The following PPFIBP2 variants were observed in gnomAD, a reference collection of about 807,000 sequenced individuals.
The protein encoded by PPFIBP2 is liprin-beta-2.
A neutral mutation model predicts 118.3 loss-of-function variants in PPFIBP2; 118 were observed. The observed-to-expected ratio is 1.00, with a 90% CI of 0.86 to 1.16. The LOEUF is 1.16. PPFIBP2 is among the 50% of genes most tolerant of loss of function. The pLI, the probability that PPFIBP2 is intolerant of heterozygous loss-of-function variation, is 0.00. For missense variants in PPFIBP2, 1,195 were observed against 1,073.1 expected, an observed-to-expected ratio of 1.11 and a Z score of -1.59; for synonymous variants, 414 against 397.4, an observed-to-expected ratio of 1.04 and a Z score of -0.50.
At chr11:7,605,626 A>G in intron 5 of PPFIBP2, 2 of 964,756 alleles carry the variant, frequency 2.1e-6, no homozygotes, top group South Asian at 4.4e-5. Flanking sequence ...TGTGGTATGA[A>G]TACAATTGGA....
intron 5 of PPFIBP2, among the ~76,000 whole-genome samples, chr11:7,600,199 A>G (rs1386078559): frequency 6.6e-6 from 1 of 152,122 alleles, no homozygotes; most frequent in Non-Finnish European, 1.5e-5. Context: ...TTTCTTAACA[A>G]ATTGAGTTCA....
the PPFIBP2 span, chr11:7,665,949 A>G: frequency 6.5e-7 from 1 of 1,532,378 alleles, no homozygotes; most frequent in African/African-American, 1.4e-5. Flanking sequence ...CCTGTATGAC[A>G]AGCAGGTACA....
At chr11:7,625,162 C>T (rs1013874569) in intron 7 of PPFIBP2, among the ~76,000 whole-genome samples, 1 of 152,112 alleles carries the variant, frequency 6.6e-6, no homozygotes, top group African/African-American at 2.4e-5. Context: ...AAATGAAGCA[C>T]TCCTGAATGC....
chr11:7,618,801 C>T (rs1037198623), intron 6 of PPFIBP2, among the ~76,000 whole-genome samples: 2 of 151,390 alleles, frequency 1.3e-5, no homozygotes, highest in African/African-American at 4.9e-5. Flanking sequence ...AGGCTGGTTT[C>T]GAACTCCTCA....
At chr11:7,656,762 T>C, downstream of PPFIBP2, 1 of 1,289,852 alleles carries the variant, frequency 7.8e-7, no homozygotes, top group South Asian at 1.2e-5. Context: ...TGAATGACTC[T>C]CGCCTGCCTG....
At chr11:7,606,147 C>G in intron 5 of PPFIBP2, 1 of 1,084,302 alleles carries the variant, frequency 9.2e-7, no homozygotes, top group Non-Finnish European at 1.2e-6. Context: ...GGTCGGGGGG[C>G]AAAATACTGG....
At chr11:7,645,531 G>A (rs1852929118) in intron 17 of PPFIBP2, among the ~76,000 whole-genome samples, 1 of 152,212 alleles carries the variant, frequency 6.6e-6, no homozygotes, top group African/African-American at 2.4e-5. Context: ...TATCTTCTCT[G>A]TCATCTCCAA....
intron 1 of PPFIBP2, among the ~76,000 whole-genome samples, chr11:7,528,117 A>T (rs985118206): frequency 7.2e-5 from 11 of 152,172 alleles, no homozygotes; most frequent in Admixed American, 6.5e-4. Flanking sequence ...CACTATGTTT[A>T]GAGTCCAGAT....
intron 1 of PPFIBP2, 41 bp from the exon 2 acceptor site, chr11:7,549,399 C>A: frequency 1.3e-6 from 2 of 1,519,602 alleles, no homozygotes; most frequent in Admixed American, 2.0e-5. Context: ...TAACATGGAA[C>A]TCTCTGTAAT....
At chr11:7,548,682 G>A (rs1275193331) in intron 1 of PPFIBP2, among the ~76,000 whole-genome samples, 7 of 152,172 alleles carry the variant, frequency 4.6e-5, no homozygotes, top group Non-Finnish European at 7.3e-5. Context: ...GAGGGGCATT[G>A]GGCAGTTCCC....
intron 3 of PPFIBP2, among the ~76,000 whole-genome samples, chr11:7,592,065 C>T (rs1002008705): frequency 6.6e-6 from 1 of 152,216 alleles, no homozygotes; most frequent in African/African-American, 2.4e-5. Context: ...GTGGTAGACA[C>T]CTCCCTCGTG....
At chr11:7,550,013 C>G (rs990955640) in intron 2 of PPFIBP2, among the ~76,000 whole-genome samples, 10 of 152,144 alleles carry the variant, frequency 6.6e-5, no homozygotes, top group Admixed American at 3.9e-4. Context: ...TTTCTTTATG[C>G]CATATTGTTT....
chr11:7,540,022 C>CA (rs11374993), intron 1 of PPFIBP2, among the ~76,000 whole-genome samples: 118,534 of 152,058 alleles, frequency 0.78, 46,943 homozygotes, highest in African/African-American at 0.89. Flanking sequence ...AAGAGCTTGT[C>CA]GGGGCACAGC....
chr11:7,619,180 C>G (rs1849046902), intron 6 of PPFIBP2, among the ~76,000 whole-genome samples: 1 of 152,150 alleles, frequency 6.6e-6, no homozygotes, highest in African/African-American at 2.4e-5. Context: ...TAGCTATTAG[C>G]TGTCATACAA....
At chr11:7,556,394 G>T (rs1018677317) in intron 2 of PPFIBP2, among the ~76,000 whole-genome samples, 1 of 152,194 alleles carries the variant, frequency 6.6e-6, no homozygotes, top group Admixed American at 6.5e-5. Context: ...GGTGGAGCTT[G>T]CAATGATCGT....
chr11:7,625,671 C>G lies in PPFIBP2; in HGVS notation c.712-106C>G, dbSNP rs1849900181. The G allele has an allele frequency of 2.0e-5, 17 of 839,114 alleles. No homozygotes were observed. The South Asian group carries it at 2.5e-4, about 12-fold the overall frequency. 52.0% of individuals were successfully genotyped at this position (839,114 alleles called of 1,614,324 possible). A position where few individuals can be genotyped will look rare whatever the true frequency, so the allele number is the denominator to read the frequency against. ...CTCCTGCTCACCTCTTCTCCTAACTCCTGATGCACCCTGGTGCCTGATGGG... is the reference window on the plus strand; with the variant it reads ...CTCCTGCTCACCTCTTCTCCTAACTGCTGATGCACCCTGGTGCCTGATGGG... On this transcript the variant is annotated intron_variant, in intron 7 of 23. Transcript: ENST00000299492.
intron 6 of PPFIBP2, among the ~76,000 whole-genome samples, chr11:7,615,902 A>G (rs950408640): frequency 6.6e-6 from 1 of 152,240 alleles, no homozygotes; most frequent in Non-Finnish European, 1.5e-5. Flanking sequence ...GAATAGAGGA[A>G]GACCCAAGAA....
At chr11:7,577,668 C>T in intron 3 of PPFIBP2, 1 of 453,932 alleles carries the variant, frequency 2.2e-6, no homozygotes, top group South Asian at 1.6e-5. Flanking sequence ...GTCTGGGTCT[C>T]CGTGGAGATA....
At chr11:7,640,012 G>T in intron 15 of PPFIBP2, 142 bp downstream of exon 15, 3 of 1,145,050 alleles carry the variant, frequency 2.6e-6, no homozygotes, top group Non-Finnish European at 3.4e-6. Context: ...TGTACCTTGG[G>T]GTGGTCCCAC....
Sources: allele counts gnomAD v4.1 joint callset (sites outside exome capture counted in the v4.1 genomes callset), GRCh38; gene constraint gnomAD v4.1.1; transcripts MANE v1.5; gene names NCBI Gene and HGNC (gene_info 2026-07-23, HGNC 2026-07-21).